EYS: variants seen among roughly 807,000 people sequenced by gnomAD.
EYS encodes the protein protein eyes shut homolog.
Under a neutral mutation model 282.1 loss-of-function variants are expected in EYS, and 250 were observed. The ratio of observed to expected loss-of-function variants is 0.89; its 90% CI spans 0.80 to 0.98. The LOEUF (loss-of-function observed/expected upper bound fraction) is 0.98, where lower values mean the gene tolerates loss of function less well. Among genes scored for constraint, EYS ranks in the 50% least tolerant of loss-of-function variants. The pLI is 0.00. For synonymous variants in EYS, 1,355 were observed against 1,282.9 expected, an observed-to-expected ratio of 1.06 and a Z score of -1.20; for missense variants, 4,016 against 3,709.0, an observed-to-expected ratio of 1.08 and a Z score of -2.15.
chr6:65,344,573 T>C (rs994407221), intron 9 of EYS, among the ~76,000 whole-genome samples: 6 of 151,628 alleles, frequency 4.0e-5, no homozygotes, highest in Admixed American at 2.6e-4. Context: ...TTCAAGAGAA[T>C]GTGACCTATA....
At chr6:65,508,670 A>G (rs1159946097) in intron 2 of EYS, among the ~76,000 whole-genome samples, 1 of 151,910 alleles carries the variant, frequency 6.6e-6, no homozygotes, top group Non-Finnish European at 1.5e-5. Flanking sequence ...CTCAAAAAAA[A>G]AAAAAAAAAA....
intron 22 of EYS, among the ~76,000 whole-genome samples, chr6:64,633,793 C>CCTTG (rs1767875457): frequency 6.6e-6 from 1 of 152,046 alleles, no homozygotes; most frequent in Admixed American, 6.6e-5. Flanking sequence ...AGAACTGGAG[C>CCTTG]CTTGACCAAT....
chr6:64,105,555 T>A (rs1260223462), intron 31 of EYS, among the ~76,000 whole-genome samples: 3 of 152,084 alleles, frequency 2.0e-5, no homozygotes. Context: ...TATAGAATAA[T>A]TTCACTACCT....
chr6:64,269,649 T>G (rs1010254120), intron 30 of EYS, among the ~76,000 whole-genome samples: 1 of 152,102 alleles, frequency 6.6e-6, no homozygotes, highest in Admixed American at 6.6e-5. Context: ...TATACATATA[T>G]TGTCAGTCAA....
intron 36 of EYS, among the ~76,000 whole-genome samples, chr6:63,852,088 C>T (rs1039657306): frequency 7.3e-5 from 9 of 122,866 alleles, no homozygotes; most frequent in East Asian, 5.5e-4. Flanking sequence ...ACCCGGGAGG[C>T]GGAGCTTGCA....
At chr6:64,457,741 C>T (rs995387720) in intron 26 of EYS, among the ~76,000 whole-genome samples, 2 of 151,840 alleles carry the variant, frequency 1.3e-5, no homozygotes, top group African/African-American at 4.8e-5. Flanking sequence ...TTTGTGGGTC[C>T]TTACAAGTGA....
At chr6:63,748,148 G>A (rs973092574) in intron 41 of EYS, among the ~76,000 whole-genome samples, 1 of 152,126 alleles carries the variant, frequency 6.6e-6, no homozygotes, top group Non-Finnish European at 1.5e-5. Context: ...AGGCCTGGTG[G>A]TGACACAATC....
At chr6:64,896,072 A>T (rs1767452176) in intron 18 of EYS, among the ~76,000 whole-genome samples, 1 of 152,194 alleles carries the variant, frequency 6.6e-6, no homozygotes, top group African/African-American at 2.4e-5. Context: ...AAGATATTTT[A>T]AAAATCATAT....
At chr6:64,899,752 T>A (rs1767592914) in intron 18 of EYS, among the ~76,000 whole-genome samples, 1 of 151,952 alleles carries the variant, frequency 6.6e-6, no homozygotes, top group Non-Finnish European at 1.5e-5. Context: ...ATGAAAAAAA[T>A]TCCACGCTCA....
intron 29 of EYS, among the ~76,000 whole-genome samples, chr6:64,367,918 CA>C (rs1429777182): frequency 1.3e-5 from 2 of 152,088 alleles, no homozygotes; most frequent in African/African-American, 2.4e-5. Context: ...AGCCTAGACA[CA>C]AGGAGCCTGA....
chr6:65,253,631 T>C (rs1393494014), intron 12 of EYS, among the ~76,000 whole-genome samples: 2 of 151,998 alleles, frequency 1.3e-5, no homozygotes, highest in Admixed American at 1.3e-4. Context: ...AAAACAATAT[T>C]TTAATGAAAT....
At chr6:64,388,610 TTTTC>T in intron 29 of EYS, 76 bp downstream of exon 29, 2 of 1,312,792 alleles carry the variant, frequency 1.5e-6, no homozygotes, top group Non-Finnish European at 2.0e-6. Context: ...TTTCTAAAGT[TTTTC>T]TTTTTCATTT....
chr6:65,315,488 T>G (rs1324687401), intron 11 of EYS, among the ~76,000 whole-genome samples: 1 of 152,154 alleles, frequency 6.6e-6, no homozygotes, highest in Non-Finnish European at 1.5e-5. Flanking sequence ...ACGCTCATTC[T>G]AACACTGGAG....
intron 15 of EYS, among the ~76,000 whole-genome samples, chr6:64,930,400 T>G (rs1035713585): frequency 4.8e-5 from 7 of 145,416 alleles, no homozygotes; most frequent in Non-Finnish European, 7.5e-5. Context: ...TTGCCTGAAC[T>G]AAAATTTTGT....
intron 29 of EYS, among the ~76,000 whole-genome samples, chr6:64,326,847 T>G (rs558366586): frequency 2.0e-5 from 3 of 152,010 alleles, no homozygotes; most frequent in Non-Finnish European, 2.9e-5. Flanking sequence ...TGAACCACAG[T>G]AAGGTTTGGG....
intron 30 of EYS, among the ~76,000 whole-genome samples, chr6:64,300,747 G>A (rs1432803361): frequency 6.6e-6 from 1 of 152,158 alleles, no homozygotes; most frequent in Non-Finnish European, 1.5e-5. Flanking sequence ...CCACCGCAGT[G>A]ATTCCTCAAG....
At chr6:64,327,048 G>A (rs966977249) in intron 29 of EYS, among the ~76,000 whole-genome samples, 14 of 152,258 alleles carry the variant, frequency 9.2e-5, no homozygotes, top group East Asian at 7.7e-4. Flanking sequence ...TTTCAGGGAC[G>A]GAGGAGGTGT....
intron 26 of EYS, among the ~76,000 whole-genome samples, chr6:64,581,269 G>C (rs1766056983): frequency 6.6e-6 from 1 of 152,068 alleles, no homozygotes; most frequent in Non-Finnish European, 1.5e-5. Context: ...GTGAAGAGGA[G>C]TCTGTGCATA....
chr6:64,928,460 T>C (rs1189080076), intron 15 of EYS, among the ~76,000 whole-genome samples: 2 of 152,146 alleles, frequency 1.3e-5, no homozygotes, highest in Non-Finnish European at 2.9e-5. Context: ...GTCATGGTCA[T>C]TGCCCTCCCA....
Sources: allele counts gnomAD v4.1 joint callset (sites outside exome capture counted in the v4.1 genomes callset), GRCh38; gene constraint gnomAD v4.1.1; transcripts MANE v1.5; gene names NCBI Gene and HGNC (gene_info 2026-07-23, HGNC 2026-07-21).